Variants in AHCYL1 observed in about 807,000 individuals in gnomAD.
The protein encoded by AHCYL1 is adenosylhomocysteinase like 1.
In AHCYL1, 20 loss-of-function variants were observed where a neutral mutation model predicts 79.3. The observed-to-expected ratio is 0.25, with a 90% CI of 0.18 to 0.37. The LOEUF is 0.37. Ranked by LOEUF, AHCYL1 falls within the 10% of genes least tolerant of loss-of-function variation. The pLI, the probability that AHCYL1 is intolerant of heterozygous loss-of-function variation, is 1.00. For synonymous variants in AHCYL1, 223 were observed against 242.2 expected (o/e 0.92, Z 0.74); for missense variants, 330 against 673.6 (o/e 0.49, Z 5.65).
rs754589994 is a variant in AHCYL1 at position 110,014,801 on chromosome 1, G to A, written c.619G>A (p.Asp207Asn). 4 of 1,614,230 alleles carry A rather than the reference G, an allele frequency of 2.5e-6. No individual in the cohort carries two copies. The highest frequency in any genetic ancestry group is 3.4e-6 in the Non-Finnish European group (4 of 1,180,016). Reference protein sequence around the residue: ...VFAWKGESEDDFWWCIDRCVN... With the variant: ...VFAWKGESEDNFWWCIDRCVN... ...CGCTTGGAAGGGCGAGTCAGAAGAT[G>A]ACTTCTGGTGGTGTATTGACCGCTG... is the stretch of plus-strand genomic sequence containing the variant. The change falls in exon 6 of 17, where the codon GAC becomes AAC. Residue 207 changes from aspartate (D) to asparagine (N), a missense_variant. Around this residue, in one of 6 missense-constraint regions of AHCYL1, gnomAD observed 25 missense variants for 27.7 expected, o/e 0.90. Transcript: ENST00000369799.
intron 1 of AHCYL1, among the ~76,000 whole-genome samples, chr1:110,002,440 T>A (rs1296164721): frequency 6.6e-6 from 1 of 152,246 alleles, no homozygotes; most frequent in Non-Finnish European, 1.5e-5. Context: ...AATATGAGTA[T>A]TCAGTGCAAT....
chr1:110,015,605 G>A, intron 7 of AHCYL1, 74 bp downstream of exon 7: 1 of 1,265,938 alleles, frequency 7.9e-7, no homozygotes, highest in Non-Finnish European at 1.2e-6. Context: ...TAGGCTTTAG[G>A]ACTGTGTTTC....
chr1:110,012,530 A>G, intron 4 of AHCYL1, 68 bp downstream of exon 4: 2 of 1,220,828 alleles, frequency 1.6e-6, no homozygotes, highest in Non-Finnish European at 2.2e-6. Flanking sequence ...TTTTTTTTTC[A>G]CTTTTCCTTT....
intron 1 of AHCYL1, among the ~76,000 whole-genome samples, chr1:110,006,938 TA>T (rs945385244): frequency 6.6e-6 from 1 of 151,846 alleles, no homozygotes; most frequent in Non-Finnish European, 1.5e-5. Context: ...GATGGGGAGG[TA>T]GGGGCACTGC....
Position 110,021,731 on chromosome 1 carries a change from ATATTTTT to A in AHCYL1, c.*54_*60del. On this transcript the variant is annotated 3_prime_UTR_variant, in exon 17 of 17. Coordinates refer to ENST00000369799, the MANE Select transcript of AHCYL1 (RefSeq NM_006621.7). ...CACCTGAACCACACACTCTAAAGAA[ATATTTTT>A]TAAGATAACTTTTATTTTCTTCTTA... The A allele has an allele frequency of 1.3e-6, 2 of 1,560,194 alleles. No individual in the cohort carries two copies. The highest frequency in any genetic ancestry group is 2.3e-5 in the South Asian group (2 of 85,826).
At chr1:109,996,201 C>T (rs191693232) in intron 1 of AHCYL1, among the ~76,000 whole-genome samples, 1 of 152,240 alleles carries the variant, frequency 6.6e-6, no homozygotes, top group Admixed American at 6.5e-5. Flanking sequence ...CAGAGCAAGA[C>T]TATGTCTCAA....
chr1:110,008,239 C>T (rs1362929465), intron 1 of AHCYL1, among the ~76,000 whole-genome samples: 1 of 151,826 alleles, frequency 6.6e-6, no homozygotes, highest in Non-Finnish European at 1.5e-5. Flanking sequence ...CCAGGCTGGT[C>T]TCCATCTCCT....
chr1:110,019,234 A>G, intron 14 of AHCYL1, 115 bp downstream of exon 14: 4 of 1,112,864 alleles, frequency 3.6e-6, no homozygotes, highest in Non-Finnish European at 5.3e-6. Flanking sequence ...TTTTTGATGT[A>G]ATAAATTGTG....
At chr1:110,019,443 T>G (rs1651647409) in intron 14 of AHCYL1, 105 bp from the exon 15 acceptor site, 4 of 964,390 alleles carry the variant, frequency 4.1e-6, no homozygotes, top group Non-Finnish European at 6.4e-6. Flanking sequence ...GTGACTGTGG[T>G]AGATCACTGT....
chr1:109,997,796 C>T (rs1331380620), intron 1 of AHCYL1, among the ~76,000 whole-genome samples: 3 of 152,216 alleles, frequency 2.0e-5, no homozygotes, highest in African/African-American at 7.2e-5. Flanking sequence ...TCCACCTTTA[C>T]CTCCCTGAAA....
chr1:110,004,091 G>A, intron 1 of AHCYL1: 1 of 985,478 alleles, frequency 1.0e-6, no homozygotes, highest in African/African-American at 1.7e-5. Context: ...CGCGAGCATT[G>A]ACAGAAGATC....
chr1:110,017,601 A>G lies in AHCYL1; in HGVS notation c.1052+18A>G. The G allele has an allele frequency of 1.9e-6, 3 of 1,601,862 alleles. No individual in the cohort carries two copies. The highest frequency in any genetic ancestry group is 2.6e-6 in the Non-Finnish European group (3 of 1,169,388). ...CAGGCCTGGTAAGAACAGAGTGATA[A>G]TACTATTAGATTCACTCTAGGTGCT... On this transcript the variant is annotated intron_variant, in intron 10 of 16. Transcript: ENST00000369799.
intron 1 of AHCYL1, chr1:109,985,387 G>A: frequency 7.7e-7 from 1 of 1,297,940 alleles, no homozygotes; most frequent in South Asian, 2.0e-5. Context: ...AAGTCCTCCG[G>A]GATCGTTTTG....
At chr1:109,993,485 T>C (rs1170134593) in intron 1 of AHCYL1, among the ~76,000 whole-genome samples, 3 of 152,228 alleles carry the variant, frequency 2.0e-5, no homozygotes, top group Non-Finnish European at 4.4e-5. Flanking sequence ...GAGATAATCA[T>C]TCCTTGGAGA....
Position 109,984,983 on chromosome 1 carries a change from A to C in AHCYL1, c.-70A>C. The C allele has an allele frequency of 4.4e-6, 6 of 1,374,666 alleles. No individual in the cohort carries two copies. Among genetic ancestry groups the C allele is most frequent in the Non-Finnish European group, 5.6e-6 (6 of 1,065,930 alleles). 85.2% of individuals were successfully genotyped at this position (1,374,666 alleles called of 1,614,324 possible). On this transcript the variant is annotated 5_prime_UTR_variant, in exon 1 of 17. Transcript: ENST00000369799. ...GCGTGTCGGAGGGCGCCGCGCGGGC[A>C]GGCGGGCGGGCGCCAGAGGGGGAAA...
chr1:110,010,514 CAG>C (rs1419066874), intron 2 of AHCYL1, among the ~76,000 whole-genome samples: 1 of 152,224 alleles, frequency 6.6e-6, no homozygotes, highest in East Asian at 1.9e-4. Flanking sequence ...ATCATTTTGA[CAG>C]ACTTTCCCAG....
intron 5 of AHCYL1, among the ~76,000 whole-genome samples, chr1:110,013,308 C>A (rs746546555): frequency 6.6e-6 from 1 of 152,120 alleles, no homozygotes; most frequent in Non-Finnish European, 1.5e-5. Flanking sequence ...TGAGAGAGCA[C>A]AAGTAAGAAG....
At chr1:110,017,690 G>A in intron 10 of AHCYL1, 107 bp downstream of exon 10, 3 of 1,242,432 alleles carry the variant, frequency 2.4e-6, no homozygotes, top group Non-Finnish European at 3.5e-6. Flanking sequence ...CCTAGGGGAA[G>A]AGAAGGCTAG....
chr1:109,998,265 A>C (rs1032796554), intron 1 of AHCYL1, among the ~76,000 whole-genome samples: 2 of 152,184 alleles, frequency 1.3e-5, no homozygotes, highest in African/African-American at 4.8e-5. Flanking sequence ...TTATGAAGTT[A>C]TATAGTTAAA....
Sources: allele counts gnomAD v4.1 joint callset (sites outside exome capture counted in the v4.1 genomes callset), GRCh38; gene constraint gnomAD v4.1.1; regional missense constraint gnomAD v4.1.1; transcripts MANE v1.5; gene names NCBI Gene and HGNC (gene_info 2026-07-23, HGNC 2026-07-21).